ANKRD17: variants seen among roughly 807,000 people sequenced by gnomAD.
The protein encoded by ANKRD17 is ankyrin repeat domain 17, also known as ankyrin repeat domain-containing protein 17.
A neutral mutation model predicts 229.7 loss-of-function variants in ANKRD17; 19 were observed. The ratio of observed to expected loss-of-function variants is 0.08; its 90% CI spans 0.06 to 0.12. ANKRD17 has a LOEUF of 0.12. Ranked by LOEUF, ANKRD17 falls within the 10% of genes least tolerant of loss-of-function variation. The pLI is 1.00. For missense variants in ANKRD17, 2,176 were observed against 3,176.8 expected (o/e 0.68, Z 7.57); for synonymous variants, 1,112 against 1,146.1 (o/e 0.97, Z 0.60).
At chr4:73,159,082 A>G (rs1177962906) in intron 3 of ANKRD17, among the ~76,000 whole-genome samples, 2 of 152,240 alleles carry the variant, frequency 1.3e-5, no homozygotes, top group African/African-American at 4.8e-5. Context: ...GCAATACTAT[A>G]TATTTTATTT....
Position 73,258,560 on chromosome 4 carries a change from C to T in ANKRD17, c.109G>A (p.Gly37Ser). Residue 37 changes from glycine (G) to serine (S), a missense_variant, in exon 1 of 34, where the codon GGC (glycine) becomes AGC (serine). Around this residue, in one of 18 missense-constraint regions of ANKRD17, gnomAD observed 196 missense variants for 190.0 expected, o/e 1.03. Transcript: ENST00000358602. ...AGPPAAAEVG[G>S]GVGGSSRARS... ...GCTCTGCTGCTGCCGCCAACGCCGC[C>T]GCCGACCTCCGCCGCCGCGGGGGGG... 1 of 1,462,158 alleles carries T rather than the reference C, an allele frequency of 6.8e-7. No homozygotes were observed. The allele number at this position is 1,462,158 out of a possible 1,614,324, so 90.6% of individuals were successfully genotyped here.
intron 22 of ANKRD17, 150 bp from the exon 23 acceptor site, chr4:73,116,066 G>T: frequency 1.6e-6 from 1 of 637,416 alleles, no homozygotes; most frequent in Admixed American, 2.6e-5. Context: ...GACAGGCTTT[G>T]GTTCCAGTGA....
intron 29 of ANKRD17, among the ~76,000 whole-genome samples, 182 bp downstream of exon 29, chr4:73,090,485 G>GCC (rs893250170): frequency 6.6e-6 from 1 of 152,118 alleles, no homozygotes; most frequent in African/African-American, 2.4e-5. Context: ...ATCTATGGTA[G>GCC]CTTTTAAAAA....
intron 25 of ANKRD17, among the ~76,000 whole-genome samples, chr4:73,100,417 T>C (rs534721785): frequency 3.4e-4 from 52 of 151,458 alleles, no homozygotes; most frequent in Admixed American, 2.9e-3. Flanking sequence ...TGTTCCAGCC[T>C]GGGGCTCTCC....
At chr4:73,230,650 GA>G (rs1160802048) in intron 1 of ANKRD17, among the ~76,000 whole-genome samples, 1 of 152,070 alleles carries the variant, frequency 6.6e-6, no homozygotes, top group Non-Finnish European at 1.5e-5. Context: ...ATTCAACCTA[GA>G]AAAGTACAGA....
rs993617961 is a variant in ANKRD17 at position 73,076,436 on chromosome 4, T to G, written c.7753-146A>C. ...AAAAATGATAAAAACCTTTTTTCTA[T>G]TATTTTCCTACCTCTTATCCCTCAA... On this transcript the variant is annotated intron_variant, in intron 33 of 33. Coordinates refer to ENST00000358602, the MANE Select transcript of ANKRD17 (RefSeq NM_032217.5). 16 of 515,526 alleles carry G rather than the reference T, an allele frequency of 3.1e-5. 1 individual carries two copies. Among genetic ancestry groups the G allele is most frequent in the Non-Finnish European group, 5.0e-5 (16 of 318,028 alleles). 31.9% of individuals were successfully genotyped at this position (515,526 alleles called of 1,614,324 possible).
chr4:73,174,343 T>C (rs1734450864), intron 2 of ANKRD17, among the ~76,000 whole-genome samples: 3 of 152,190 alleles, frequency 2.0e-5, no homozygotes, highest in Admixed American at 6.5e-5. Flanking sequence ...TGCATGATCA[T>C]CTCAATGATG....
intron 1 of ANKRD17, 134 bp downstream of exon 1, chr4:73,258,142 A>G: frequency 6.8e-7 from 1 of 1,473,848 alleles, no homozygotes; most frequent in Non-Finnish European, 9.1e-7. Flanking sequence ...CGAGGGAAGA[A>G]AGGGGGCAGT....
chr4:73,126,257 G>A (rs2148727480), intron 16 of ANKRD17, among the ~76,000 whole-genome samples: 1 of 152,226 alleles, frequency 6.6e-6, no homozygotes, highest in Non-Finnish European at 1.5e-5. Flanking sequence ...CCATGTGCAT[G>A]AGGAAATTAT....
chr4:73,225,973 C>CTTTTTTT (rs754977999), intron 1 of ANKRD17, among the ~76,000 whole-genome samples: 6 of 92,564 alleles, frequency 6.5e-5, no homozygotes, highest in East Asian at 3.5e-4. Context: ...GGCTCTTAAG[C>CTTTTTTT]TTTTTTTTTT....
chr4:73,167,239 G>A (rs1367332457), intron 2 of ANKRD17, among the ~76,000 whole-genome samples: 2 of 152,118 alleles, frequency 1.3e-5, no homozygotes, highest in Non-Finnish European at 2.9e-5. Context: ...AGATTTGTAT[G>A]TGAGAATTTC....
chr4:73,097,349 CCAAT>C, intron 26 of ANKRD17, 77 bp from the exon 27 acceptor site: 1 of 1,262,324 alleles, frequency 7.9e-7, no homozygotes, highest in Non-Finnish European at 1.1e-6. Context: ...AGTCTACTAC[CCAAT>C]TTTTAAAAAT....
rs1723712624 is a variant in ANKRD17, at chr4:73,099,567, T to C, written c.4574-1047A>G. ...TTCCCATAGTGTGGTCTGGGAGGAT[T>C]CCCCTGGCCTTAAAAGGGGCCCAAG... On this transcript the variant is annotated intron_variant, in intron 25 of 33. Coordinates refer to ENST00000358602, the MANE Select transcript of ANKRD17 (RefSeq NM_032217.5). Among the ~76,000 whole-genome samples, 8 of 152,142 alleles carry C rather than the reference T, an allele frequency of 5.3e-5. No individual in the cohort carries two copies. In the South Asian group the frequency reaches 1.4e-3, roughly 28 times the overall value.
intron 33 of ANKRD17, 148 bp downstream of exon 33, chr4:73,076,792 G>T: frequency 2.1e-6 from 2 of 951,804 alleles, no homozygotes; most frequent in East Asian, 2.6e-5. Context: ...ACTGCCCACA[G>T]CCCTCTGCTA....
chr4:73,210,580 T>C (rs1197454947), intron 1 of ANKRD17, among the ~76,000 whole-genome samples: 1 of 152,200 alleles, frequency 6.6e-6, no homozygotes, highest in Non-Finnish European at 1.5e-5. Context: ...CTAAATTTTA[T>C]TGTTGAAACA....
intron 31 of ANKRD17, among the ~76,000 whole-genome samples, chr4:73,078,321 G>A (rs527281322): frequency 6.6e-6 from 1 of 152,164 alleles, no homozygotes; most frequent in Non-Finnish European, 1.5e-5. Context: ...AGCTTGCAGT[G>A]AGCAGAGATT....
In ANKRD17 at chr4:73,089,210, A is replaced by T. The variant is rs529176410; in HGVS notation, c.6961+1457T>A. ...GCACCACCATGCCCAGCTAATTTTT[A>T]TATTTTTGTAGAGATGGGGTCTCCC... On this transcript the variant is annotated intron_variant, in intron 29 of 33. Coordinates refer to ENST00000358602, the MANE Select transcript of ANKRD17 (RefSeq NM_032217.5). 5.4e-4 allele frequency among the ~76,000 whole-genome samples: 82 copies of T among 151,846 alleles called. 1 individual carries two copies. The South Asian group carries it at 0.016, about 29-fold the overall frequency.
intron 16 of ANKRD17, among the ~76,000 whole-genome samples, chr4:73,126,243 C>T (rs1727453029): frequency 6.6e-6 from 1 of 152,128 alleles, no homozygotes; most frequent in South Asian, 2.1e-4. Context: ...GAGTTTTGAT[C>T]AGTCCATGTG....
At position 73,197,431 on chromosome 4, in the gene ANKRD17, T is replaced by C. The variant is rs1007135900; in HGVS notation, c.394-19898A>G. On this transcript the variant is annotated intron_variant, in intron 1 of 33. Coordinates refer to ENST00000358602, the MANE Select transcript of ANKRD17 (RefSeq NM_032217.5). Reference sequence around the variant, plus strand: ...ACTCAATACTTACGCAACTCTGTAGTCAGAACTCTGAGAGAAAGAAACAGC... The same window carrying C: ...ACTCAATACTTACGCAACTCTGTAGCCAGAACTCTGAGAGAAAGAAACAGC... 2.6e-5 allele frequency among the ~76,000 whole-genome samples: 4 copies of C among 152,144 alleles called. No homozygotes were observed. The South Asian group carries it at 6.2e-4, about 24-fold the overall frequency.
Sources: gnomAD v4.1 joint callset for allele counts (sites outside exome capture counted in the v4.1 genomes callset) on GRCh38, gnomAD v4.1.1 for gene constraint, gnomAD v4.1.1 regional missense constraint, MANE v1.5 for transcripts, NCBI Gene and HGNC (gene_info 2026-07-23, HGNC 2026-07-21) for gene names.